The following EPHX1 variants were observed in gnomAD, a reference collection of about 807,000 sequenced individuals.
EPHX1 encodes the protein epoxide hydratase.
In EPHX1, 40 loss-of-function variants were observed where a neutral mutation model predicts 43.2. The ratio of observed to expected loss-of-function variants is 0.93; its 90% CI spans 0.72 to 1.21. The LOEUF (loss-of-function observed/expected upper bound fraction) is 1.21, where lower values mean the gene tolerates loss of function less well. Ranked by LOEUF, EPHX1 falls within the 50% of genes most tolerant of loss-of-function variation. The pLI, the probability that EPHX1 is intolerant of heterozygous loss-of-function variation, is 0.00. For synonymous variants in EPHX1, 221 were observed against 226.7 expected (o/e 0.98, Z 0.22); for missense variants, 550 against 570.4 (o/e 0.96, Z 0.36).
At chr1:225,823,898 T>C (rs1027016289) in intron 1 of EPHX1, among the ~76,000 whole-genome samples, 1 of 152,144 alleles carries the variant, frequency 6.6e-6, no homozygotes, top group African/African-American at 2.4e-5. Flanking sequence ...GGCAGAGTGG[T>C]GCCCTCTTGA....
intron 3 of EPHX1, among the ~76,000 whole-genome samples, chr1:225,835,198 G>A (rs1241927903): frequency 1.3e-5 from 2 of 152,012 alleles, no homozygotes; most frequent in Non-Finnish European, 2.9e-5. Flanking sequence ...TACCCCACTG[G>A]ACCCTTTCAG....
intron 2 of EPHX1, among the ~76,000 whole-genome samples, chr1:225,830,906 C>CT (rs1411253448): frequency 6.6e-6 from 1 of 152,174 alleles, no homozygotes; most frequent in Non-Finnish European, 1.5e-5. Flanking sequence ...GTGTTTACCT[C>CT]TTTAAATAGT....
rs147832264 is a variant in EPHX1, at chr1:225,819,814, C to T, written c.-5-8911C>T. 6.2e-4 allele frequency among the ~76,000 whole-genome samples: 94 copies of T among 152,186 alleles called. 2 individuals carry two copies. In the East Asian group the frequency reaches 0.017, roughly 28 times the overall value. On this transcript the variant is annotated intron_variant, in intron 1 of 8. Transcript: ENST00000272167. ...TCTAATACATTTATAACTCTTTGTC[C>T]GCACTTAATCACTCTGTCATACTTA...
intron 1 of EPHX1, among the ~76,000 whole-genome samples, chr1:225,814,822 A>G (rs1666644470): frequency 6.6e-6 from 1 of 152,202 alleles, no homozygotes; most frequent in Non-Finnish European, 1.5e-5. Context: ...GGTCCTACAA[A>G]ATTGTAGCCC....
rs1347464855 is a variant in EPHX1 at position 225,844,524 on chromosome 1, C to A, written c.1067C>A (p.Thr356Asn). The A allele has an allele frequency of 1.2e-6, 2 of 1,614,166 alleles. No homozygotes were observed. The highest frequency in any genetic ancestry group is 2.2e-5 in the South Asian group (2 of 91,074). ...ERKFSLDDLL[T>N]NVMLYWTTGT... ...AAGTTCTCCCTGGACGACCTGCTGA[C>A]CAACGTCATGCTCTACTGGACAACA... The change falls in exon 8 of 9, where the codon ACC becomes AAC. Residue 356 changes from threonine to asparagine, a missense_variant. Thr to Asn is a moderately conservative substitution (Grantham distance 65, BLOSUM62 0). Coordinates refer to ENST00000272167, the MANE Select transcript of EPHX1 (RefSeq NM_001136018.4).
chr1:225,839,917 T>C lies in EPHX1; in HGVS notation c.811T>C (p.Phe271Leu). The change falls in exon 6 of 9, where the codon TTT (phenylalanine) becomes CTT (leucine). Residue 271 changes from phenylalanine to leucine, a missense_variant. By Grantham distance (22) the Phe-to-Leu change is conservative (BLOSUM62 0). Coordinates refer to ENST00000272167, the MANE Select transcript of EPHX1 (RefSeq NM_001136018.4). The part of the protein sequence containing the change: ...TLLLGQRFGR[F>L]LGLTERDVEL... The stretch of plus-strand genomic sequence containing the variant: ...CCTCCTGGGACAGCGTTTCGGGAGG[T>C]TTCTTGGCCTCACTGAGAGGGATGT... 6.2e-7 allele frequency: 1 copy of C among 1,614,164 alleles called. No individual in the cohort carries two copies. Among genetic ancestry groups the C allele is most frequent in the Non-Finnish European group, 8.5e-7 (1 of 1,180,030 alleles).
At chr1:225,838,963 C>CG (rs1453597429) in intron 4 of EPHX1, 82 bp downstream of exon 4, 3 of 1,513,540 alleles carry the variant, frequency 2.0e-6, no homozygotes, top group Non-Finnish European at 2.7e-6. Context: ...CTCCTTCCGG[C>CG]GGGGTGAGCA....
At chr1:225,820,334 C>T (rs1666927468) in intron 1 of EPHX1, among the ~76,000 whole-genome samples, 1 of 152,086 alleles carries the variant, frequency 6.6e-6, no homozygotes, top group Non-Finnish European at 1.5e-5. Flanking sequence ...GGTGATCTGC[C>T]CACCTTGGCC....
At chr1:225,830,695 C>G (rs531705359) in intron 2 of EPHX1, among the ~76,000 whole-genome samples, 2 of 152,262 alleles carry the variant, frequency 1.3e-5, no homozygotes, top group Non-Finnish European at 2.9e-5. Flanking sequence ...GAACTCCTGA[C>G]TTCAAGTGAT....
chr1:225,832,169 C>A (rs1431306454), intron 3 of EPHX1: 2 of 601,534 alleles, frequency 3.3e-6, no homozygotes, highest in South Asian at 1.9e-5. Context: ...GGAACACATA[C>A]ATGCAATTTA....
At chr1:225,824,826 C>T (rs926696156) in intron 1 of EPHX1, among the ~76,000 whole-genome samples, 1 of 152,158 alleles carries the variant, frequency 6.6e-6, no homozygotes, top group Non-Finnish European at 1.5e-5. Context: ...GTTGGAAACC[C>T]ACCCCCACAC....
chr1:225,813,915 C>G (rs1666604953), intron 1 of EPHX1, among the ~76,000 whole-genome samples: 1 of 152,166 alleles, frequency 6.6e-6, no homozygotes, highest in Non-Finnish European at 1.5e-5. Context: ...GTTAAAGAGA[C>G]TTCTGGAAAA....
chr1:225,839,076 G>A, intron 4 of EPHX1, 141 bp from the exon 5 acceptor site: 1 of 1,442,932 alleles, frequency 6.9e-7, no homozygotes, highest in South Asian at 1.2e-5. Context: ...TTGGGCTCCA[G>A]GATTCCTTCT....
At chr1:225,834,264 G>T (rs1382540937) in intron 3 of EPHX1, among the ~76,000 whole-genome samples, 1 of 151,694 alleles carries the variant, frequency 6.6e-6, no homozygotes, top group Non-Finnish European at 1.5e-5. Context: ...AATTAGCTGG[G>T]CATGGTGGCA....
chr1:225,815,532 C>A (rs181987786), intron 1 of EPHX1, among the ~76,000 whole-genome samples: 1 of 151,210 alleles, frequency 6.6e-6, no homozygotes, highest in Non-Finnish European at 1.5e-5. Flanking sequence ...GGATTACAGG[C>A]GTGAGCCACG....
chr1:225,842,936 G>A (rs183745465), intron 7 of EPHX1, among the ~76,000 whole-genome samples: 1 of 152,310 alleles, frequency 6.6e-6, no homozygotes, highest in Admixed American at 6.5e-5. Flanking sequence ...CTGACTCCCA[G>A]CTCTGTGGCC....
In EPHX1 at chr1:225,839,921, T is replaced by C; in HGVS notation, c.815T>C (p.Leu272Pro). Residue 272 changes from leucine to proline, a missense_variant, in exon 6 of 9, where the codon CTT becomes CCT. Transcript: ENST00000272167. ...LLLGQRFGRF[L>P]GLTERDVELL... Reference sequence around the variant, plus strand: ...CTGGGACAGCGTTTCGGGAGGTTTCTTGGCCTCACTGAGAGGGATGTGGAG... The same window carrying C: ...CTGGGACAGCGTTTCGGGAGGTTTCCTGGCCTCACTGAGAGGGATGTGGAG... The C allele has an allele frequency of 6.2e-7, 1 of 1,614,256 alleles. No individual in the cohort carries two copies. The highest frequency in any genetic ancestry group is 8.5e-7 in the Non-Finnish European group (1 of 1,180,050).
In EPHX1 at chr1:225,816,398, T is replaced by C. The variant is rs983387530; in HGVS notation, c.-6+6229T>C. On this transcript the variant is annotated intron_variant, in intron 1 of 8. Transcript: ENST00000272167. ...TTGCATAGAGGGCAATGCTTTTTCT[T>C]TATAGGTGGTGAACTGGGTTCTGCT... is the stretch of plus-strand genomic sequence containing the variant. Among the ~76,000 whole-genome samples, 3 of 152,254 alleles carry C rather than the reference T, an allele frequency of 2.0e-5. No individual in the cohort carries two copies. The South Asian group carries it at 6.2e-4, about 32-fold the overall frequency.
chr1:225,839,833 G>T lies in EPHX1; in HGVS notation c.727G>T (p.Val243Leu). Reference protein sequence around the residue: ...TNMAQLVPSHVKGLHLNMALV... With the variant: ...TNMAQLVPSHLKGLHLNMALV... ...GGCCCCTCTCTCTGCCTTCAGCCACGTGAAAGGCCTGCACTTGAACATGGC... is the reference window on the plus strand; with the variant it reads ...GGCCCCTCTCTCTGCCTTCAGCCACTTGAAAGGCCTGCACTTGAACATGGC... Residue 243 changes from valine (V) to leucine (L), a missense_variant, in exon 6 of 9, where the codon GTG becomes TTG. Val to Leu is a conservative substitution (Grantham distance 32). Coordinates refer to ENST00000272167, the MANE Select transcript of EPHX1 (RefSeq NM_001136018.4). 6.2e-7 allele frequency: 1 copy of T among 1,613,768 alleles called. No homozygotes were observed. Among genetic ancestry groups the T allele is most frequent in the Non-Finnish European group, 8.5e-7 (1 of 1,179,954 alleles).
Sources: gnomAD v4.1 joint callset for allele counts (sites outside exome capture counted in the v4.1 genomes callset) on GRCh38, gnomAD v4.1.1 for gene constraint, MANE v1.5 for transcripts, NCBI Gene and HGNC (gene_info 2026-07-23, HGNC 2026-07-21) for gene names.